The following SPOCK3 variants were observed in gnomAD, a reference collection of about 807,000 sequenced individuals.
SPOCK3 encodes the protein SPARC (osteonectin), cwcv and kazal like domains proteoglycan 3.
In SPOCK3, 30 loss-of-function variants were observed where a neutral mutation model predicts 56.6. The ratio of observed to expected loss-of-function variants is 0.53; its 90% CI spans 0.40 to 0.72. SPOCK3 has a LOEUF of 0.72. Ranked by LOEUF, SPOCK3 falls within the 30% of genes least tolerant of loss-of-function variation. The pLI is 0.00. For synonymous variants in SPOCK3, 196 were observed against 183.3 expected (o/e 1.07, Z -0.56); for missense variants, 527 against 530.0 (o/e 0.99, Z 0.06).
intron 2 of SPOCK3, among the ~76,000 whole-genome samples, chr4:167,078,531 T>C (rs1039745927): frequency 7.3e-5 from 11 of 151,644 alleles, no homozygotes; most frequent in African/African-American, 2.7e-4. Context: ...AGCCTAAGTG[T>C]TTTAAGGTTG....
chr4:166,952,520 A>G (rs1195484281), intron 4 of SPOCK3, among the ~76,000 whole-genome samples: 1 of 152,190 alleles, frequency 6.6e-6, no homozygotes, highest in African/African-American at 2.4e-5. Context: ...AAGGTAATTT[A>G]TAGATTCAAT....
chr4:167,009,335 T>C (rs372763046), intron 3 of SPOCK3, among the ~76,000 whole-genome samples: 1 of 152,094 alleles, frequency 6.6e-6, no homozygotes. Flanking sequence ...CCTTCTTTAA[T>C]TAAATAAGAA....
intron 6 of SPOCK3, among the ~76,000 whole-genome samples, chr4:166,793,630 C>T (rs1741586364): frequency 6.6e-6 from 1 of 151,916 alleles, no homozygotes; most frequent in South Asian, 2.1e-4. Flanking sequence ...GGTGGGATGA[C>T]CAAATTAGCC....
At chr4:167,060,544 AT>A (rs995225244) in intron 3 of SPOCK3, among the ~76,000 whole-genome samples, 11 of 152,020 alleles carry the variant, frequency 7.2e-5, no homozygotes, top group South Asian at 4.1e-4. Context: ...TTCGATTTTT[AT>A]TTTTTTGATA....
intron 4 of SPOCK3, among the ~76,000 whole-genome samples, chr4:166,939,076 C>A (rs1391061105): frequency 6.6e-6 from 1 of 152,036 alleles, no homozygotes; most frequent in Admixed American, 6.6e-5. Context: ...AGGCTCTATA[C>A]AGTTAAATGG....
At chr4:166,824,495 A>G (rs1745252819) in intron 6 of SPOCK3, among the ~76,000 whole-genome samples, 1 of 152,124 alleles carries the variant, frequency 6.6e-6, no homozygotes, top group Non-Finnish European at 1.5e-5. Context: ...CTGAATGAGC[A>G]TGTGATCCAG....
intron 2 of SPOCK3, among the ~76,000 whole-genome samples, chr4:167,107,823 T>A (rs1187665873): frequency 6.6e-6 from 1 of 151,716 alleles, no homozygotes; most frequent in Non-Finnish European, 1.5e-5. Flanking sequence ...AAAAAGAAAT[T>A]AAAAAGTAAC....
At chr4:166,769,529 C>T (rs1738634923) in intron 7 of SPOCK3, among the ~76,000 whole-genome samples, 1 of 152,134 alleles carries the variant, frequency 6.6e-6, no homozygotes, top group Non-Finnish European at 1.5e-5. Flanking sequence ...AATGTTCCTG[C>T]CTGATCGTTC....
rs191751172 is a variant in SPOCK3 at position 166,748,744 on chromosome 4, A to G, written c.931+5764T>C. ...ATTTTTGCAATCTATTCATCTGACA[A>G]AGGGCTAACATCCAGAATCCACAAA... On this transcript the variant is annotated intron_variant, in intron 8 of 10. Transcript: ENST00000357545. Among the ~76,000 whole-genome samples the G allele has an allele frequency of 5.9e-4, 81 of 137,302 alleles. 6 individuals carry two copies. The East Asian group carries it at 0.015, about 26-fold the overall frequency. 90.1% of individuals were successfully genotyped at this position (137,302 alleles called of 152,430 possible). A position where few individuals can be genotyped will look rare whatever the true frequency, so the allele number is the denominator to read the frequency against.
At chr4:166,741,799 G>A (rs973076518) in intron 9 of SPOCK3, among the ~76,000 whole-genome samples, 198 bp downstream of exon 9, 2 of 151,984 alleles carry the variant, frequency 1.3e-5, no homozygotes, top group East Asian at 1.9e-4. Flanking sequence ...TTATATTAGG[G>A]TAATAAAACA....
chr4:167,217,346 T>C (rs1201316121), intron 2 of SPOCK3, among the ~76,000 whole-genome samples: 1 of 151,448 alleles, frequency 6.6e-6, no homozygotes, highest in South Asian at 2.1e-4. Context: ...CTACTGAACA[T>C]GTACAGATGT....
chr4:166,915,850 T>C (rs1737785964), intron 4 of SPOCK3, among the ~76,000 whole-genome samples: 1 of 152,200 alleles, frequency 6.6e-6, no homozygotes, highest in Non-Finnish European at 1.5e-5. Context: ...AAAGGTCATT[T>C]GCAGTTAGTT....
At chr4:166,893,383 T>C (rs1156525773) in intron 5 of SPOCK3, among the ~76,000 whole-genome samples, 1 of 152,104 alleles carries the variant, frequency 6.6e-6, no homozygotes, top group Non-Finnish European at 1.5e-5. Context: ...ACCAACTTAA[T>C]TATCTAGAGA....
At chr4:166,985,363 T>C (rs1401436571) in intron 4 of SPOCK3, among the ~76,000 whole-genome samples, 1 of 152,150 alleles carries the variant, frequency 6.6e-6, no homozygotes, top group African/African-American at 2.4e-5. Context: ...AGGCCCATTA[T>C]TTTGAATATA....
intron 3 of SPOCK3, among the ~76,000 whole-genome samples, chr4:167,044,341 C>G (rs958176985): frequency 1.3e-5 from 2 of 151,848 alleles, no homozygotes; most frequent in Non-Finnish European, 2.9e-5. Context: ...TTTTCTTAGC[C>G]TGGCTAGAGT....
At chr4:167,090,418 C>A (rs762378850) in intron 2 of SPOCK3, among the ~76,000 whole-genome samples, 8 of 151,976 alleles carry the variant, frequency 5.3e-5, no homozygotes, top group Non-Finnish European at 5.9e-5. Context: ...TGCTGATTGG[C>A]CATTTTTATG....
intron 4 of SPOCK3, among the ~76,000 whole-genome samples, chr4:166,949,783 G>A (rs535207411): frequency 1.1e-4 from 16 of 152,132 alleles, no homozygotes; most frequent in East Asian, 3.9e-4. Context: ...CCAATATTCA[G>A]CATTCTTAAA....
chr4:167,119,476 CAATA>C (rs911432361), intron 2 of SPOCK3, among the ~76,000 whole-genome samples: 6 of 151,924 alleles, frequency 3.9e-5, no homozygotes, highest in African/African-American at 1.5e-4. Context: ...TAAGTTCTGC[CAATA>C]AATAACAGGT....
At chr4:166,962,410 T>C (rs1744240149) in intron 4 of SPOCK3, among the ~76,000 whole-genome samples, 1 of 152,134 alleles carries the variant, frequency 6.6e-6, no homozygotes. Flanking sequence ...GACACTTCTC[T>C]GAGTACTGCT....
Sources: gnomAD v4.1 joint callset for allele counts (sites outside exome capture counted in the v4.1 genomes callset) on GRCh38, gnomAD v4.1.1 for gene constraint, MANE v1.5 for transcripts, NCBI Gene and HGNC (gene_info 2026-07-23, HGNC 2026-07-21) for gene names.